The following TGM5 variants were observed in gnomAD, a reference collection of about 807,000 sequenced individuals.
TGM5 encodes protein-glutamine gamma-glutamyltransferase 5.
A neutral mutation model predicts 77.2 loss-of-function variants in TGM5; 69 were observed. That is an observed-to-expected ratio of 0.89 (90% CI 0.74 to 1.09). The LOEUF is 1.09. Among genes scored for constraint, TGM5 ranks in the 50% least tolerant of loss-of-function variants. The pLI is 0.00. For synonymous variants in TGM5, 346 were observed against 351.8 expected, an observed-to-expected ratio of 0.98 and a Z score of 0.18; for missense variants, 842 against 896.5, an observed-to-expected ratio of 0.94 and a Z score of 0.78.
intron 3 of TGM5, among the ~76,000 whole-genome samples, chr15:43,259,727 T>C (rs1323859219): frequency 6.6e-6 from 1 of 152,234 alleles, no homozygotes; most frequent in East Asian, 1.9e-4. Flanking sequence ...CTCAGTGCAG[T>C]GCATTCGTTC....
intron 12 of TGM5, 42 bp downstream of exon 12, chr15:43,233,511 AG>A (rs780214018): frequency 3.7e-6 from 6 of 1,613,578 alleles, no homozygotes; most frequent in Non-Finnish European, 5.1e-6. Context: ...TGCTAATCTC[AG>A]GGGGGAAAAA....
intron 6 of TGM5, among the ~76,000 whole-genome samples, chr15:43,246,925 A>AAAG (rs2042673153): frequency 1.3e-5 from 2 of 152,186 alleles, no homozygotes; most frequent in Admixed American, 1.3e-4. Context: ...AGCCATCATA[A>AAAG]CAAAGCTTAA....
chr15:43,235,986 TC>T, intron 9 of TGM5, 149 bp from the exon 10 acceptor site: 2 of 1,112,166 alleles, frequency 1.8e-6, no homozygotes, highest in Non-Finnish European at 2.6e-6. Flanking sequence ...TCATGTGCTT[TC>T]CCAGGCAGGC....
At chr15:43,234,715 C>G in intron 11 of TGM5, 54 bp downstream of exon 11, 1 of 1,612,408 alleles carries the variant, frequency 6.2e-7, no homozygotes, top group South Asian at 1.1e-5. Context: ...GGCTTCACCC[C>G]CTCCCCGCCA....
chr15:43,240,999 A>G lies in TGM5; in HGVS notation c.863-9T>C, dbSNP rs770164232. ...CCCCAGACACCTCATCACTGCAAAA[A>G]GGGCACAAAAAAATCACCTGTGAGC... is the stretch of plus-strand genomic sequence containing the variant. On this transcript the variant is annotated splice_polypyrimidine_tract_variant and intron_variant, in intron 6 of 12. Transcript: ENST00000220420. 25 of 1,614,034 alleles carry G rather than the reference A, an allele frequency of 1.5e-5. No homozygotes were observed. Among genetic ancestry groups the G allele is most frequent in the Admixed American group, 3.3e-5 (2 of 59,996 alleles).
rs775820836 is a variant in TGM5 at position 43,266,841 on chromosome 15, T to A, written c.9A>T (p.Gln3His). The A allele has an allele frequency of 1.2e-6, 2 of 1,614,164 alleles. No individual in the cohort carries two copies. Among genetic ancestry groups the A allele is most frequent in the Non-Finnish European group, 1.7e-6 (2 of 1,180,022 alleles). The change falls in exon 1 of 13, where the codon CAA becomes CAT. Residue 3 changes from glutamine to histidine, a missense_variant and splice_region_variant. By Grantham distance (24) the Gln-to-His change is conservative. Coordinates refer to ENST00000220420, the MANE Select transcript of TGM5 (RefSeq NM_201631.4). Reference protein sequence around the residue: MAQGLEVALTDLQ... With the variant: MAHGLEVALTDLQ... ...AGTGGCCACAGGGGCTTTCCCTACC[T>A]TGGGCCATGGTAGCTGCCTCCGGTT... is the stretch of plus-strand genomic sequence containing the variant.
At position 43,260,479 on chromosome 15, in the gene TGM5, C is replaced by A. The variant is rs548499956; in HGVS notation, c.111G>T (p.Gln37His). Residue 37 changes from glutamine to histidine, a missense_variant, in exon 2 of 13, where the codon CAG becomes CAT. Coordinates refer to ENST00000220420, the MANE Select transcript of TGM5 (RefSeq NM_201631.4). Reference protein sequence around the residue: ...TVDHLLVRRGQAFNLTLYFRN... With the variant: ...TVDHLLVRRGHAFNLTLYFRN... ...TGAAGTACAGGGTGAGGTTGAAGGC[C>A]TGGCCCCGGCGAACAAGCAGGTGGT... 25 of 1,614,172 alleles carry A rather than the reference C, an allele frequency of 1.5e-5. No homozygotes were observed. The South Asian group carries it at 2.6e-4, about 17-fold the overall frequency.
intron 4 of TGM5, 26 bp downstream of exon 4, chr15:43,256,542 G>A: frequency 6.4e-7 from 1 of 1,567,168 alleles, no homozygotes; most frequent in Non-Finnish European, 8.8e-7. Flanking sequence ...GGGCCGGGAT[G>A]GGCCATAAGC....
intron 6 of TGM5, among the ~76,000 whole-genome samples, chr15:43,250,716 G>A (rs781539625): frequency 2.0e-4 from 30 of 152,152 alleles, no homozygotes; most frequent in Non-Finnish European, 4.0e-4. Context: ...GTGAGTGCCT[G>A]GTGTAGAATA....
chr15:43,241,901 A>G (rs941751434), intron 6 of TGM5, among the ~76,000 whole-genome samples: 1 of 152,032 alleles, frequency 6.6e-6, no homozygotes, highest in Non-Finnish European at 1.5e-5. Context: ...TGGCCTCCCA[A>G]AGTGCTGGGA....
intron 6 of TGM5, among the ~76,000 whole-genome samples, chr15:43,246,075 G>T (rs1300520119): frequency 2.0e-5 from 3 of 152,090 alleles, no homozygotes; most frequent in African/African-American, 7.2e-5. Flanking sequence ...TAGTCAAAAT[G>T]TTTAATATGA....
At chr15:43,249,997 C>A (rs1267300915) in intron 6 of TGM5, among the ~76,000 whole-genome samples, 2 of 152,182 alleles carry the variant, frequency 1.3e-5, no homozygotes, top group African/African-American at 2.4e-5. Context: ...GATATATCGA[C>A]TTTGCAGGTG....
chr15:43,242,714 C>T (rs1204785813), intron 6 of TGM5, among the ~76,000 whole-genome samples: 4 of 152,134 alleles, frequency 2.6e-5, no homozygotes, highest in East Asian at 1.9e-4. Context: ...CTTGAGCTCG[C>T]GTGGCAGGTT....
intron 7 of TGM5, 37 bp from the exon 8 acceptor site, chr15:43,239,303 T>C: frequency 1.2e-6 from 2 of 1,604,834 alleles, no homozygotes; most frequent in Admixed American, 3.3e-5. Flanking sequence ...GTTGTACTGC[T>C]TGGTCTTTCT....
At chr15:43,251,251 G>T (rs776293049) in intron 6 of TGM5, among the ~76,000 whole-genome samples, 15 of 151,750 alleles carry the variant, frequency 9.9e-5, no homozygotes, top group Non-Finnish European at 2.1e-4. Context: ...CTCAAGAGCT[G>T]GCTCTGCAGC....
At chr15:43,239,507 T>C (rs2042618517) in intron 7 of TGM5, 3 of 537,342 alleles carry the variant, frequency 5.6e-6, no homozygotes, top group East Asian at 3.2e-5. Context: ...AAAAGGAAGA[T>C]CTCGTCTCAA....
intron 9 of TGM5, among the ~76,000 whole-genome samples, chr15:43,236,794 C>G (rs773221853): frequency 2.6e-5 from 4 of 152,012 alleles, no homozygotes; most frequent in Non-Finnish European, 5.9e-5. Context: ...TGGTGAAACC[C>G]TGTTTCTACT....
rs1002450696 is a variant in TGM5, at chr15:43,255,261, G to T, written c.555+1307C>A. 2.0e-5 allele frequency among the ~76,000 whole-genome samples: 3 copies of T among 152,108 alleles called. No individual in the cohort carries two copies. The South Asian group carries it at 6.2e-4, about 31-fold the overall frequency. ...AGGTGGGAGGATCACTTGAGTCCAG[G>T]AGGTCAAGGCTGCAATGAGCCATGA... On this transcript the variant is annotated intron_variant, in intron 4 of 12. Transcript: ENST00000220420.
At chr15:43,261,503 TTCTGGAGCC>T (rs2042790620) in intron 1 of TGM5, among the ~76,000 whole-genome samples, 1 of 152,192 alleles carries the variant, frequency 6.6e-6, no homozygotes, top group Non-Finnish European at 1.5e-5. Context: ...ATTCCCAACC[TTCTGGAGCC>T]TCTGCTAAAA....
Sources: gnomAD v4.1 joint callset for allele counts (sites outside exome capture counted in the v4.1 genomes callset) on GRCh38, gnomAD v4.1.1 for gene constraint, MANE v1.5 for transcripts, NCBI Gene and HGNC (gene_info 2026-07-23, HGNC 2026-07-21) for gene names.